The following ALDH1A2 variants were observed in gnomAD, a reference collection of about 807,000 sequenced individuals.
ALDH1A2 encodes retinal dehydrogenase 2.
In ALDH1A2, 27 loss-of-function variants were observed where a neutral mutation model predicts 60.3. That is an observed-to-expected ratio of 0.45 (90% CI 0.33 to 0.62). The LOEUF (loss-of-function observed/expected upper bound fraction) is 0.62. Among genes scored for constraint, ALDH1A2 ranks in the 20% least tolerant of loss-of-function variants. The pLI is 0.02. For synonymous variants in ALDH1A2, 289 were observed against 232.4 expected, an observed-to-expected ratio of 1.24 and a Z score of -2.21; for missense variants, 581 against 643.8, an observed-to-expected ratio of 0.90 and a Z score of 1.06.
At chr15:57,965,868 A>C in intron 7 of ALDH1A2, 41 bp from the exon 8 acceptor site, 2 of 1,500,268 alleles carry the variant, frequency 1.3e-6, no homozygotes, top group Non-Finnish European at 9.3e-7. Context: ...CAAATCCTGC[A>C]GGTGAGACAG....
chr15:58,046,600 C>T (rs1228218494), intron 1 of ALDH1A2, among the ~76,000 whole-genome samples: 9 of 152,004 alleles, frequency 5.9e-5, no homozygotes, highest in Non-Finnish European at 1.5e-5. Flanking sequence ...AGCTATTAAA[C>T]TCTCTGAGCT....
intron 7 of ALDH1A2, chr15:57,990,376 G>A (rs1894853268): frequency 6.6e-6 from 1 of 152,032 alleles, no homozygotes; most frequent in African/African-American, 2.4e-5. Flanking sequence ...GGTCTCCAAA[G>A]GTTTTTATTT....
At chr15:58,058,787 G>A (rs1248514458) in intron 1 of ALDH1A2, among the ~76,000 whole-genome samples, 1 of 152,128 alleles carries the variant, frequency 6.6e-6, no homozygotes, top group Non-Finnish European at 1.5e-5. Context: ...TACTTCTGGA[G>A]GTAACAGAGC....
intron 4 of ALDH1A2, among the ~76,000 whole-genome samples, chr15:58,005,380 A>G (rs1895414034): frequency 1.3e-5 from 1 of 77,166 alleles, no homozygotes; most frequent in Non-Finnish European, 3.1e-5. Flanking sequence ...TAAACATCTT[A>G]GTTATTTGCC....
intron 4 of ALDH1A2, among the ~76,000 whole-genome samples, chr15:58,005,753 C>G (rs979535142): frequency 2.0e-5 from 3 of 151,890 alleles, no homozygotes; most frequent in Non-Finnish European, 2.9e-5. Context: ...CCAAACAGAA[C>G]TGTGTTACTA....
At chr15:57,958,222 A>ACACACACACACT (rs1440547045) in intron 12 of ALDH1A2, among the ~76,000 whole-genome samples, 1 of 152,222 alleles carries the variant, frequency 6.6e-6, no homozygotes, top group African/African-American at 2.4e-5. Context: ...ACGCACACAC[A>ACACACACACACT]CACATAAATT....
At chr15:57,994,964 GTTTT>G (rs34071724) in intron 5 of ALDH1A2, 110 bp downstream of exon 5, 34 of 1,036,318 alleles carry the variant, frequency 3.3e-5, no homozygotes, top group Non-Finnish European at 4.6e-5. Flanking sequence ...CATGAGCTCA[GTTTT>G]TTTTCCTCCA....
intron 4 of ALDH1A2, among the ~76,000 whole-genome samples, chr15:58,001,504 C>T (rs761306194): frequency 6.6e-6 from 1 of 151,874 alleles, no homozygotes; most frequent in Non-Finnish European, 1.5e-5. Context: ...GGACTAAGCG[C>T]CTCTCTCCCT....
At chr15:58,024,838 C>T (rs1896033802) in intron 1 of ALDH1A2, among the ~76,000 whole-genome samples, 1 of 152,142 alleles carries the variant, frequency 6.6e-6, no homozygotes, top group Non-Finnish European at 1.5e-5. Flanking sequence ...TATCAAGTAT[C>T]TCCTCAGACA....
At chr15:58,001,931 A>C (rs1359251668) in intron 4 of ALDH1A2, among the ~76,000 whole-genome samples, 1 of 151,920 alleles carries the variant, frequency 6.6e-6, no homozygotes, top group African/African-American at 2.4e-5. Flanking sequence ...GATGGAGAAA[A>C]CTAAAGAAAA....
At chr15:58,054,331 A>G (rs1896845093) in intron 1 of ALDH1A2, among the ~76,000 whole-genome samples, 1 of 152,192 alleles carries the variant, frequency 6.6e-6, no homozygotes, top group African/African-American at 2.4e-5. Flanking sequence ...AGATTGCAAG[A>G]TCTGGCTTAA....
chr15:57,993,029 A>G lies in ALDH1A2; in HGVS notation c.600T>C (p.Ala200=), dbSNP rs1406141893. The G allele has an allele frequency of 6.2e-7, 1 of 1,613,476 alleles. No individual in the cohort carries two copies. Among genetic ancestry groups the G allele is most frequent in the Non-Finnish European group, 8.5e-7 (1 of 1,179,970 alleles). The change falls in exon 6 of 13, where the codon GCT becomes GCC. Residue 200 remains alanine, a synonymous_variant. Coordinates refer to ENST00000249750, the MANE Select transcript of ALDH1A2 (RefSeq NM_003888.4). ...LLMFAWKIAP[A]LCCGNTVVIK... ...TAACTACTGTATTGCCACAGCACAA[A>G]GCTGGAGCTATTTTCCAGGCAAACA...
At chr15:58,033,603 A>G (rs1254534225) in intron 1 of ALDH1A2, among the ~76,000 whole-genome samples, 8 of 151,848 alleles carry the variant, frequency 5.3e-5, no homozygotes, top group African/African-American at 1.9e-4. Context: ...ATTTTATACC[A>G]AAAAAATGAT....
intron 1 of ALDH1A2, 28 bp downstream of exon 1, chr15:58,065,506 G>C: frequency 1.3e-6 from 2 of 1,566,024 alleles, no homozygotes; most frequent in Non-Finnish European, 1.8e-6. Flanking sequence ...AAGTCTCCGT[G>C]GACGACGGGC....
At position 58,042,993 on chromosome 15, in the gene ALDH1A2, T is replaced by C. The variant is rs1315674787; in HGVS notation, c.117+22541A>G. Among the ~76,000 whole-genome samples the C allele has an allele frequency of 2.0e-5, 3 of 151,942 alleles. No individual in the cohort carries two copies. The East Asian group carries it at 5.8e-4, about 29-fold the overall frequency. On this transcript the variant is annotated intron_variant, in intron 1 of 12. Transcript: ENST00000249750. Reference sequence around the variant, plus strand: ...CATTAGGGGCTTATTTATAAGGGGATACCCTTATAAAAGTCTTATTTTCTT... The same window carrying C: ...CATTAGGGGCTTATTTATAAGGGGACACCCTTATAAAAGTCTTATTTTCTT...
At position 57,955,162 on chromosome 15, in the gene ALDH1A2, G is replaced by C. The variant is rs201404328; in HGVS notation, c.*35C>G. 16 of 1,596,626 alleles carry C rather than the reference G, an allele frequency of 1.0e-5. No homozygotes were observed. Among genetic ancestry groups the C allele is most frequent in the Non-Finnish European group, 1.1e-5 (13 of 1,164,068 alleles). On this transcript the variant is annotated 3_prime_UTR_variant, in exon 13 of 13. Transcript: ENST00000249750. ...ACAGAGAAAGCAGAGAGGGACAGAC[G>C]TGCAGGCTGGGCTTCATCCTCCTTC...
intron 1 of ALDH1A2, among the ~76,000 whole-genome samples, chr15:58,063,080 A>G (rs1270578573): frequency 1.3e-5 from 2 of 152,218 alleles, no homozygotes; most frequent in African/African-American, 4.8e-5. Context: ...ATACAAGATC[A>G]CAAGTACAAA....
rs1390179671 is a variant in ALDH1A2 at position 57,963,956 on chromosome 15, T to TTC, written c.1013_1014dup (p.Arg339GlufsTer11). 3 of 1,614,162 alleles carry TTC rather than the reference T, an allele frequency of 1.9e-6. No homozygotes were observed. The highest frequency in any genetic ancestry group is 2.5e-6 in the Non-Finnish European group (3 of 1,180,010). On this transcript the variant is annotated frameshift_variant, in exon 9 of 13. Coordinates refer to ENST00000249750, the MANE Select transcript of ALDH1A2 (RefSeq NM_003888.4). LOFTEE classifies it high-confidence loss of function. ...CGCCTCTTGGCCCGCTCCACGCTTCTTCTCACAAACTCCTCATAGATGGAC... is the reference window on the plus strand; with the variant it reads ...CGCCTCTTGGCCCGCTCCACGCTTCTTCTCTCACAAACTCCTCATAGATGGAC...
Position 57,983,161 on chromosome 15 carries a change from T to C in ALDH1A2, c.798+9544A>G, listed in dbSNP as rs142801518. ...AATGACAACAAAACTGCATTCGCTA[T>C]TGAAAGGAAACAGTGAAACCTAATA... On this transcript the variant is annotated intron_variant, in intron 7 of 12. Transcript: ENST00000249750. Among the ~76,000 whole-genome samples the C allele has an allele frequency of 3.4e-3, 516 of 152,320 alleles. 6 individuals carry two copies. The highest frequency in any genetic ancestry group is 0.012 in the African/African-American group (502 of 41,570).
Sources: allele counts gnomAD v4.1 joint callset (sites outside exome capture counted in the v4.1 genomes callset), GRCh38; gene constraint gnomAD v4.1.1; transcripts MANE v1.5; gene names NCBI Gene and HGNC (gene_info 2026-07-23, HGNC 2026-07-21).